IL12B: variants seen among roughly 807,000 people sequenced by gnomAD.
IL12B encodes interleukin-12 subunit beta.
IL12B carries 27 observed loss-of-function variants against 39.2 expected under a neutral mutation model. That is an observed-to-expected ratio of 0.69 (90% CI 0.51 to 0.95). IL12B has a LOEUF of 0.95. Among genes scored for constraint, IL12B ranks in the 40% least tolerant of loss-of-function variants. IL12B has a pLI of 0.00. For missense variants in IL12B, 351 were observed against 397.6 expected, an observed-to-expected ratio of 0.88 and a Z score of 1.00; for synonymous variants, 142 against 152.1, an observed-to-expected ratio of 0.93 and a Z score of 0.49.
intron 2 of IL12B, 95 bp downstream of exon 2, chr5:159,326,600 G>T: frequency 1.2e-6 from 1 of 838,198 alleles, no homozygotes; most frequent in Non-Finnish European, 2.1e-6. Flanking sequence ...CCCAGTGCAT[G>T]GTTGCCCATT....
intron 4 of IL12B, among the ~76,000 whole-genome samples, chr5:159,320,988 TTCTC>T (rs563454736): frequency 1.6e-3 from 241 of 149,722 alleles, no homozygotes; most frequent in Middle Eastern, 0.01. Flanking sequence ...TTCTTTTTCT[TTCTC>T]TCTCTCTCTC....
At position 159,326,768 on chromosome 5, in the gene IL12B, C is replaced by T; in HGVS notation, c.15G>A (p.Gln5=). 1 of 1,609,464 alleles carries T rather than the reference C, an allele frequency of 6.2e-7. No individual in the cohort carries two copies. Among genetic ancestry groups the T allele is most frequent in the Non-Finnish European group, 8.5e-7 (1 of 1,175,924 alleles). The part of the protein sequence containing the change: MCHQ[Q]LVISWFSLVF... ...CCAGGGAAAACCAAGAGATGACCAA[C>T]TGCTGGTGACACATCTATAAGAAGG... is the stretch of plus-strand genomic sequence containing the variant. The change falls in exon 2 of 8, where the codon CAG becomes CAA. Residue 5 remains glutamine (Q), a synonymous_variant. Transcript: ENST00000231228.
chr5:159,329,820 C>T (rs1027749462), intron 1 of IL12B, among the ~76,000 whole-genome samples: 1 of 151,934 alleles, frequency 6.6e-6, no homozygotes, highest in African/African-American at 2.4e-5. Context: ...ACCTTTTTTT[C>T]CCCCTTCTCA....
chr5:159,320,150 A>G (rs3181221), intron 5 of IL12B, among the ~76,000 whole-genome samples, 156 bp downstream of exon 5: 2,102 of 152,318 alleles, frequency 0.014, 57 homozygotes, highest in African/African-American at 0.049. Context: ...CTTCCTTAAA[A>G]TGCAGATAAC....
chr5:159,326,108 C>T (rs1263311631), intron 2 of IL12B, among the ~76,000 whole-genome samples: 2 of 152,104 alleles, frequency 1.3e-5, no homozygotes, highest in African/African-American at 4.8e-5. Flanking sequence ...ATTCATTAAC[C>T]CACTAAATAA....
Position 159,323,129 on chromosome 5 carries a change from G to A in IL12B, c.289C>T (p.Leu97=). 1 of 1,614,136 alleles carries A rather than the reference G, an allele frequency of 6.2e-7. No homozygotes were observed. Among genetic ancestry groups the A allele is most frequent in the Non-Finnish European group, 8.5e-7 (1 of 1,180,014 alleles). ...QYTCHKGGEV[L]SHSLLLLHKK... ...TGAAGCAGCAGGAGCGAATGGCTTA[G>A]AACCTCGCCTCCTTTGTGACAGGTG... The change falls in exon 3 of 8, where the codon CTA becomes TTA. Residue 97 remains leucine (L), a synonymous_variant. Transcript: ENST00000231228.
chr5:159,321,816 A>T (rs917317569), intron 4 of IL12B, among the ~76,000 whole-genome samples: 58 of 152,218 alleles, frequency 3.8e-4, no homozygotes, highest in African/African-American at 1.3e-3. Context: ...AAAGTAAGCC[A>T]CATGGGGGTT....
At chr5:159,317,727 C>G (rs1754012832) in intron 6 of IL12B, among the ~76,000 whole-genome samples, 1 of 152,204 alleles carries the variant, frequency 6.6e-6, no homozygotes, top group Non-Finnish European at 1.5e-5. Context: ...TTTATAATAT[C>G]TGGAACAGCC....
intron 6 of IL12B, among the ~76,000 whole-genome samples, chr5:159,317,344 C>T (rs2195940): frequency 0.12 from 18,849 of 152,148 alleles, 1,279 homozygotes; most frequent in Middle Eastern, 0.18. Context: ...AAAATCACGT[C>T]AAACTCTTAG....
chr5:159,322,488 T>G lies in IL12B; in HGVS notation c.388A>C (p.Arg130=). The change falls in exon 4 of 8, where the codon AGA becomes CGA. Residue 130 remains arginine (R), a synonymous_variant. Transcript: ENST00000231228. ...CCAGAATAATTCTTGGCCTCGCATC[T>G]TAGAAAGGTCTTATTTTTGGGTTCT... The part of the protein sequence containing the change: ...QKEPKNKTFL[R]CEAKNYSGRF... 1 of 1,613,060 alleles carries G rather than the reference T, an allele frequency of 6.2e-7. No homozygotes were observed. Among genetic ancestry groups the G allele is most frequent in the Non-Finnish European group, 8.5e-7 (1 of 1,179,066 alleles).
At chr5:159,321,344 A>ATT (rs200751097) in intron 4 of IL12B, among the ~76,000 whole-genome samples, 30 of 136,200 alleles carry the variant, frequency 2.2e-4, no homozygotes, top group African/African-American at 7.3e-4. Flanking sequence ...TTGTATACAC[A>ATT]TTTTATATAT....
At chr5:159,330,109 C>A (rs1754253322) in intron 1 of IL12B, among the ~76,000 whole-genome samples, 1 of 152,170 alleles carries the variant, frequency 6.6e-6, no homozygotes, top group African/African-American at 2.4e-5. Context: ...AACTGATGGG[C>A]ATTAACATTT....
intron 1 of IL12B, among the ~76,000 whole-genome samples, chr5:159,329,439 G>A (rs1016793081): frequency 2.0e-5 from 3 of 152,078 alleles, no homozygotes; most frequent in Admixed American, 6.5e-5. Context: ...ATGAAGTCAG[G>A]ACCCACTATT....
rs143102002 is a variant in IL12B at position 159,324,321 on chromosome 5, G to C, written c.89-992C>G. Among the ~76,000 whole-genome samples, 72 of 152,290 alleles carry C rather than the reference G, an allele frequency of 4.7e-4. No individual in the cohort carries two copies. The South Asian group carries it at 6.2e-3, about 13-fold the overall frequency. On this transcript the variant is annotated intron_variant, in intron 2 of 7. Transcript: ENST00000231228. The stretch of plus-strand genomic sequence containing the variant: ...AAACTGGCCTTTGAGGAATGGCTTA[G>C]TATAGTATTTCAGAGTGTGTCATAG...
intron 6 of IL12B, 109 bp from the exon 7 acceptor site, chr5:159,316,925 T>C: frequency 7.9e-7 from 1 of 1,258,462 alleles, no homozygotes; most frequent in Non-Finnish European, 1.2e-6. Flanking sequence ...ATCTTGGTCT[T>C]AGGGCACTGT....
intron 4 of IL12B, 93 bp downstream of exon 4, chr5:159,322,301 A>G (rs1258727106): frequency 3.5e-6 from 3 of 851,800 alleles, no homozygotes; most frequent in African/African-American, 1.7e-5. Flanking sequence ...TTTTCCCATT[A>G]TCATTAACTG....
chr5:159,327,407 T>C (rs1754209479), intron 1 of IL12B, among the ~76,000 whole-genome samples: 3 of 152,184 alleles, frequency 2.0e-5, no homozygotes, highest in South Asian at 4.1e-4. Flanking sequence ...GGAACGGTAA[T>C]ACAGAGGCGA....
At chr5:159,329,541 T>C (rs1754243290) in intron 1 of IL12B, among the ~76,000 whole-genome samples, 1 of 152,224 alleles carries the variant, frequency 6.6e-6, no homozygotes. Context: ...GTGAACTCTC[T>C]TATGCCATGG....
chr5:159,320,649 C>G, intron 4 of IL12B, 129 bp from the exon 5 acceptor site: 1 of 786,858 alleles, frequency 1.3e-6, no homozygotes. Context: ...GGGCTGATTT[C>G]TACCCAGAGG....
Sources: gnomAD v4.1 joint callset for allele counts (sites outside exome capture counted in the v4.1 genomes callset) on GRCh38, gnomAD v4.1.1 for gene constraint, MANE v1.5 for transcripts, NCBI Gene and HGNC (gene_info 2026-07-23, HGNC 2026-07-21) for gene names.